The following C12orf42 variants were observed in gnomAD, a reference collection of about 807,000 sequenced individuals.
C12orf42 encodes uncharacterized protein C12orf42.
C12orf42 carries 25 observed loss-of-function variants against 21.6 expected under a neutral mutation model. The observed-to-expected ratio is 1.16, with a 90% CI of 0.84 to 1.62. The LOEUF (loss-of-function observed/expected upper bound fraction) is 1.62, where lower values mean the gene tolerates loss of function less well. Ranked by LOEUF, C12orf42 falls within the 40% of genes most tolerant of loss-of-function variation. C12orf42 has a pLI of 0.00. For missense variants in C12orf42, 483 were observed against 459.3 expected (o/e 1.05, Z -0.47); for synonymous variants, 174 against 175.0 (o/e 0.99, Z 0.05).
chr12:103,414,521 T>C (rs553693079), intron 2 of C12orf42, among the ~76,000 whole-genome samples: 13 of 152,314 alleles, frequency 8.5e-5, no homozygotes, highest in African/African-American at 3.1e-4. Context: ...TTTCAATCTA[T>C]GAGCATGGAA....
At chr12:103,515,850 A>C in the C12orf42 span, among the ~76,000 whole-genome samples, 18 of 152,354 alleles carry the variant, frequency 1.2e-4, no homozygotes, top group African/African-American at 4.3e-4. Context: ...AGGGCTATTA[A>C]TGTCCATTTT....
chr12:103,382,174 T>C (rs978057877), intron 3 of C12orf42, among the ~76,000 whole-genome samples: 1 of 152,198 alleles, frequency 6.6e-6, no homozygotes, highest in African/African-American at 2.4e-5. Flanking sequence ...TTTTTTTTGT[T>C]TCTATTTTCT....
the C12orf42 span, among the ~76,000 whole-genome samples, chr12:103,088,719 T>C: frequency 6.6e-5 from 10 of 152,292 alleles, no homozygotes; most frequent in East Asian, 1.2e-3. Flanking sequence ...GTAGCTTCCA[T>C]TACTTAAGTC....
chr12:103,264,029 T>A (rs1385504837), downstream of C12orf42, among the ~76,000 whole-genome samples: 1 of 152,148 alleles, frequency 6.6e-6, no homozygotes, highest in Non-Finnish European at 1.5e-5. Flanking sequence ...TTACCATGAC[T>A]TACAAAATAT....
At chr12:103,202,051 T>C in the C12orf42 span, among the ~76,000 whole-genome samples, 4 of 152,216 alleles carry the variant, frequency 2.6e-5, no homozygotes, top group Non-Finnish European at 5.9e-5. Context: ...CTAGTAACTC[T>C]ACCAGGGCCA....
the C12orf42 span, among the ~76,000 whole-genome samples, chr12:103,085,008 G>C: frequency 6.6e-6 from 1 of 152,050 alleles, no homozygotes; most frequent in Non-Finnish European, 1.5e-5. Context: ...AGGAGAACTG[G>C]GTAAGACAAT....
intron 3 of C12orf42, among the ~76,000 whole-genome samples, chr12:103,395,889 C>G (rs180853911): frequency 6.7e-6 from 1 of 148,784 alleles, no homozygotes; most frequent in African/African-American, 2.5e-5. Flanking sequence ...TATATATATG[C>G]TATTCATAAT....
chr12:103,205,948 T>C, the C12orf42 span, among the ~76,000 whole-genome samples: 13 of 152,240 alleles, frequency 8.5e-5, no homozygotes, highest in African/African-American at 2.4e-4. Flanking sequence ...CTGTGAATAC[T>C]GTGGTTCCAG....
the C12orf42 span, among the ~76,000 whole-genome samples, chr12:103,514,843 G>A: frequency 6.6e-6 from 1 of 152,148 alleles, no homozygotes; most frequent in African/African-American, 2.4e-5. Flanking sequence ...ACCTATAGAG[G>A]AGTTCAAGAC....
At chr12:103,079,895 T>G in the C12orf42 span, among the ~76,000 whole-genome samples, 1 of 152,194 alleles carries the variant, frequency 6.6e-6, no homozygotes, top group Non-Finnish European at 1.5e-5. Context: ...CTAACTTGAA[T>G]CAATGATGGT....
At chr12:103,115,812 C>G in the C12orf42 span, among the ~76,000 whole-genome samples, 9,622 of 152,188 alleles carry the variant, frequency 0.063, 872 homozygotes, top group African/African-American at 0.2. Flanking sequence ...ATTCACTTAT[C>G]GAAATCATGA....
the C12orf42 span, among the ~76,000 whole-genome samples, chr12:103,222,616 G>T: frequency 6.6e-6 from 1 of 152,154 alleles, no homozygotes; most frequent in Non-Finnish European, 1.5e-5. Context: ...TCAGGGCCTT[G>T]CAGGTGAGAC....
At chr12:103,461,966 CTT>C (rs575476520) in intron 2 of C12orf42, among the ~76,000 whole-genome samples, 74 of 152,042 alleles carry the variant, frequency 4.9e-4, no homozygotes, top group African/African-American at 1.6e-3. Context: ...ATATTGGACT[CTT>C]TGGCACATCT....
chr12:103,524,724 ATAGG>A, the C12orf42 span, among the ~76,000 whole-genome samples: 3 of 152,214 alleles, frequency 2.0e-5, no homozygotes, highest in African/African-American at 4.8e-5. Context: ...GGGGCAGAAC[ATAGG>A]TAGTTTTCTG....
intron 2 of C12orf42, chr12:103,476,956 T>A (rs1275101599): frequency 6.6e-6 from 1 of 152,204 alleles, no homozygotes; most frequent in Non-Finnish European, 1.5e-5. Context: ...TACTTCAATT[T>A]GAATTCAACT....
chr12:103,496,295 T>C (rs1200279450), upstream of C12orf42, among the ~76,000 whole-genome samples: 1 of 152,138 alleles, frequency 6.6e-6, no homozygotes, highest in Non-Finnish European at 1.5e-5. Flanking sequence ...TTCCACCTAC[T>C]CATCTGCCTC....
chr12:103,394,247 G>T (rs1176039314), intron 3 of C12orf42, among the ~76,000 whole-genome samples: 2 of 152,172 alleles, frequency 1.3e-5, no homozygotes, highest in Admixed American at 1.3e-4. Context: ...ATGCTGAGAT[G>T]AAGACACTCT....
intron 3 of C12orf42, among the ~76,000 whole-genome samples, chr12:103,392,160 G>A (rs957413179): frequency 1.6e-4 from 25 of 152,126 alleles, no homozygotes; most frequent in South Asian, 4.2e-4. Flanking sequence ...TTCTTGGTAC[G>A]CTTTTCAATT....
the C12orf42 span, among the ~76,000 whole-genome samples, chr12:103,143,014 T>A: frequency 1.3e-5 from 2 of 152,298 alleles, no homozygotes; most frequent in East Asian, 3.9e-4. Context: ...GGTTGGAGGC[T>A]GGGGTTAGTT....
Sources: allele counts gnomAD v4.1 joint callset (sites outside exome capture counted in the v4.1 genomes callset), GRCh38; gene constraint gnomAD v4.1.1; transcripts MANE v1.5; gene names NCBI Gene and HGNC (gene_info 2026-07-23, HGNC 2026-07-21).